Variants in SLC2A5 observed in about 807,000 individuals in gnomAD.
The protein encoded by SLC2A5 is solute carrier family 2 member 5, also known as solute carrier family 2, facilitated glucose transporter member 5.
In SLC2A5, 56 loss-of-function variants were observed where a neutral mutation model predicts 50.3. The ratio of observed to expected loss-of-function variants is 1.11; its 90% CI spans 0.90 to 1.39. The LOEUF is 1.39. SLC2A5 is among the 40% of genes most tolerant of loss of function. SLC2A5 has a pLI of 0.00. For synonymous variants in SLC2A5, 269 were observed against 281.9 expected (o/e 0.95, Z 0.46); for missense variants, 566 against 650.1 (o/e 0.87, Z 1.41).
At chr1:9,085,671 C>G (rs115792229) in intron 1 of SLC2A5, among the ~76,000 whole-genome samples, 2,055 of 152,234 alleles carry the variant, frequency 0.013, 48 homozygotes, top group African/African-American at 0.047. Flanking sequence ...TTTTAAGAGC[C>G]CTGACTGAGG....
At chr1:9,089,757 A>G (rs114714345), upstream of SLC2A5, among the ~76,000 whole-genome samples, 3,271 of 152,290 alleles carry the variant, frequency 0.021, 108 homozygotes, top group African/African-American at 0.073. Flanking sequence ...TGGAAAATGG[A>G]CTGCCCCCAA....
At chr1:9,047,588 A>C (rs1316965477) in intron 4 of SLC2A5, 22 bp downstream of exon 4, 2 of 1,610,924 alleles carry the variant, frequency 1.2e-6, no homozygotes, top group Admixed American at 1.7e-5. Flanking sequence ...ACAGAATGGC[A>C]ATACAGCATA....
At chr1:9,092,490 G>T (rs1184465378), upstream of SLC2A5, among the ~76,000 whole-genome samples, 3 of 152,112 alleles carry the variant, frequency 2.0e-5, no homozygotes, top group Non-Finnish European at 4.4e-5. Flanking sequence ...TTGCCAAAAA[G>T]CTTCACCCCA....
chr1:9,062,835 G>T (rs1374587411), intron 1 of SLC2A5, among the ~76,000 whole-genome samples: 5 of 152,066 alleles, frequency 3.3e-5, no homozygotes, highest in African/African-American at 7.2e-5. Context: ...TCACGCCATT[G>T]CACTCCAGTC....
At chr1:9,084,729 G>A (rs772429414) in intron 2 of SLC2A5, among the ~76,000 whole-genome samples, 1 of 152,214 alleles carries the variant, frequency 6.6e-6, no homozygotes. Flanking sequence ...GCCACACCAT[G>A]TGAGCATCGG....
At chr1:9,073,099 CG>C (rs1389831268), upstream of SLC2A5, 1 of 152,338 alleles carries the variant, frequency 6.6e-6, no homozygotes, top group African/African-American at 2.4e-5. Context: ...GGCACATCTC[CG>C]GGCTGTTCTG....
intron 4 of SLC2A5, among the ~76,000 whole-genome samples, chr1:9,042,409 A>G (rs1003578932): frequency 2.0e-5 from 3 of 146,974 alleles, no homozygotes; most frequent in Middle Eastern, 3.6e-3. Context: ...AAATATGTAT[A>G]TGTGTGTGTG....
At chr1:9,070,980 A>G (rs920594958), upstream of SLC2A5, among the ~76,000 whole-genome samples, 1 of 152,172 alleles carries the variant, frequency 6.6e-6, no homozygotes, top group Admixed American at 6.5e-5. Context: ...GCATAGCAAG[A>G]CCAGAGGTTT....
In SLC2A5 at chr1:9,063,992, G is replaced by T. The variant is rs139870437; in HGVS notation, c.33+5512C>A. On this transcript the variant is annotated intron_variant, in intron 1 of 11. Transcript: ENST00000377424. ...TTACAGGCGTGAGCCACCGCGCCCG[G>T]CCTATTTACATTTTTTATAGAGACA... Among the ~76,000 whole-genome samples, 658 of 130,564 alleles carry T rather than the reference G, an allele frequency of 5.0e-3. 72 individuals carry two copies. Among genetic ancestry groups the T allele is most frequent in the African/African-American group, 0.021 (615 of 29,610 alleles). 85.7% of individuals were successfully genotyped at this position (130,564 alleles called of 152,430 possible). A position where few individuals can be genotyped will look rare whatever the true frequency, so the allele number is the denominator to read the frequency against.
At chr1:9,068,478 T>C (rs1341560114) in intron 1 of SLC2A5, among the ~76,000 whole-genome samples, 1 of 149,040 alleles carries the variant, frequency 6.7e-6, no homozygotes, top group Non-Finnish European at 1.5e-5. Context: ...TGAGATGAAG[T>C]TTCGCTCTTG....
At chr1:9,049,676 G>A (rs1641521396) in intron 3 of SLC2A5, among the ~76,000 whole-genome samples, 1 of 149,520 alleles carries the variant, frequency 6.7e-6, no homozygotes, top group South Asian at 2.1e-4. Flanking sequence ...GCACCAGCCT[G>A]GGTGACACAG....
chr1:9,085,610 C>T (rs919144370), intron 1 of SLC2A5, among the ~76,000 whole-genome samples: 1 of 152,166 alleles, frequency 6.6e-6, no homozygotes, highest in Non-Finnish European at 1.5e-5. Context: ...TTTGATGAGG[C>T]ATGTTCGAAC....
At chr1:9,058,064 C>G (rs1268835456) in intron 2 of SLC2A5, 88 bp downstream of exon 2, 5 of 926,026 alleles carry the variant, frequency 5.4e-6, no homozygotes, top group Non-Finnish European at 8.8e-6. Flanking sequence ...GGACCCACTG[C>G]GTGAACAGCC....
At chr1:9,092,490 G>C (rs1184465378), upstream of SLC2A5, among the ~76,000 whole-genome samples, 3 of 152,112 alleles carry the variant, frequency 2.0e-5, no homozygotes, top group Non-Finnish European at 4.4e-5. Context: ...TTGCCAAAAA[G>C]CTTCACCCCA....
At chr1:9,078,630 C>G (rs1212937100) in intron 2 of SLC2A5, among the ~76,000 whole-genome samples, 1 of 152,168 alleles carries the variant, frequency 6.6e-6, no homozygotes, top group Non-Finnish European at 1.5e-5. Context: ...AGTTCTTTAC[C>G]AAGAATTTAC....
At chr1:9,080,792 G>T (rs1387963437) in intron 2 of SLC2A5, among the ~76,000 whole-genome samples, 1 of 152,210 alleles carries the variant, frequency 6.6e-6, no homozygotes, top group African/African-American at 2.4e-5. Context: ...TTGGAAACTG[G>T]AATTATTTTG....
rs750445301 is a variant in SLC2A5, at chr1:9,058,182, G to T, written c.102C>A (p.Tyr34Ter). ...AAFGSSFQYG[Y>*]NVAAVNSPAL... is the part of the protein sequence containing the mutation. The stretch of plus-strand genomic sequence containing the variant: ...CTGGGGAGTTGACAGCAGCCACGTT[G>T]TACCCATACTGGAAGGATGACCCAA... The change falls in exon 2 of 12, where the codon TAC becomes TAA. Residue 34 changes from tyrosine (Y) to a stop codon, truncating the protein, a stop_gained. Coordinates refer to ENST00000377424, the MANE Select transcript of SLC2A5 (RefSeq NM_003039.3). LOFTEE classifies it high-confidence loss of function. 1.2e-6 allele frequency: 2 copies of T among 1,613,864 alleles called. No homozygotes were observed. The highest frequency in any genetic ancestry group is 4.5e-5 in the East Asian group (2 of 44,890).
intron 2 of SLC2A5, among the ~76,000 whole-genome samples, chr1:9,080,813 G>A (rs192343246): frequency 1.3e-5 from 2 of 152,362 alleles, no homozygotes; most frequent in African/African-American, 4.8e-5. Context: ...AGTCTTAAAG[G>A]AATGTGCTTA....
chr1:9,060,651 C>A (rs1242469877), intron 1 of SLC2A5, among the ~76,000 whole-genome samples: 1 of 132,998 alleles, frequency 7.5e-6, no homozygotes, highest in African/African-American at 2.7e-5. Flanking sequence ...CCCACACACC[C>A]CCCACACACA....
Sources: gnomAD v4.1 joint callset for allele counts (sites outside exome capture counted in the v4.1 genomes callset) on GRCh38, gnomAD v4.1.1 for gene constraint, MANE v1.5 for transcripts, NCBI Gene and HGNC (gene_info 2026-07-23, HGNC 2026-07-21) for gene names.